The following ABI3BP variants were observed in gnomAD, a reference collection of about 807,000 sequenced individuals.
ABI3BP encodes ABI family member 3 binding protein, also known as target of Nesh-SH3.
Under a neutral mutation model 268.6 loss-of-function variants are expected in ABI3BP, and 216 were observed. The observed-to-expected ratio is 0.80, with a 90% CI of 0.72 to 0.90. The LOEUF is 0.90. ABI3BP is among the 40% of genes least tolerant of loss of function. ABI3BP has a pLI of 0.00. For missense variants in ABI3BP, 2,090 were observed against 2,182.4 expected, an observed-to-expected ratio of 0.96 and a Z score of 0.84; for synonymous variants, 730 against 730.0, an observed-to-expected ratio of 1.00 and a Z score of 0.00.
chr3:100,911,105 C>A, intron 2 of ABI3BP: 1 of 317,544 alleles, frequency 3.1e-6, no homozygotes. Context: ...TCTTATGTCT[C>A]TAACTGCTGT....
intron 9 of ABI3BP, among the ~76,000 whole-genome samples, chr3:100,872,319 G>A (rs890808249): frequency 7.9e-5 from 12 of 152,128 alleles, no homozygotes; most frequent in South Asian, 4.2e-4. Flanking sequence ...AAGTAAAAAC[G>A]AATCACAAGA....
rs1399229659 is a variant in ABI3BP at position 100,820,285 on chromosome 3, C to T, written c.2966G>A (p.Arg989Gln). Residue 989 changes from arginine to glutamine, a missense_variant, in exon 40 of 68, where the codon CGA becomes CAA. By Grantham distance (43) the Arg-to-Gln change is conservative (BLOSUM62 1). Transcript: ENST00000471714. ...VTTQAPKTSQ[R>Q]TRRPRPKTKT... ...AGTTTTGGGACGTGGACGACGAGTT[C>T]GTTGTGATGTTTTAGGAGCTGAAGA... 13 of 1,535,618 alleles carry T rather than the reference C, an allele frequency of 8.5e-6. No homozygotes were observed. The highest frequency in any genetic ancestry group is 2.4e-5 in the East Asian group (1 of 40,912).
chr3:100,888,151 C>A (rs967097696), intron 4 of ABI3BP, among the ~76,000 whole-genome samples: 2 of 152,076 alleles, frequency 1.3e-5, no homozygotes, highest in Non-Finnish European at 2.9e-5. Flanking sequence ...GAAAGCTGTG[C>A]TCAGGGCTCC....
intron 44 of ABI3BP, among the ~76,000 whole-genome samples, chr3:100,815,621 T>A (rs1364689863): frequency 2.7e-4 from 41 of 152,268 alleles, no homozygotes; most frequent in Admixed American, 2.7e-3. Flanking sequence ...TGGAAGGGTA[T>A]TTAGATCTAT....
At chr3:100,762,359 C>T (rs1182055299) in intron 63 of ABI3BP, among the ~76,000 whole-genome samples, 1 of 152,116 alleles carries the variant, frequency 6.6e-6, no homozygotes, top group Non-Finnish European at 1.5e-5. Context: ...TGTGTGTCAC[C>T]TAAATCATGT....
intron 1 of ABI3BP, among the ~76,000 whole-genome samples, chr3:100,973,042 T>C (rs2084407350): frequency 6.6e-6 from 1 of 152,116 alleles, no homozygotes; most frequent in Admixed American, 6.6e-5. Flanking sequence ...ACCTTTCCCA[T>C]TTTTGTGCTT....
intron 36 of ABI3BP, among the ~76,000 whole-genome samples, chr3:100,824,288 T>C (rs1237264231): frequency 6.6e-6 from 1 of 152,178 alleles, no homozygotes; most frequent in Non-Finnish European, 1.5e-5. Context: ...CCAACACATG[T>C]GGTCCTTCTG....
chr3:100,978,692 A>C (rs1002907930), intron 1 of ABI3BP, among the ~76,000 whole-genome samples: 7 of 152,224 alleles, frequency 4.6e-5, no homozygotes, highest in Non-Finnish European at 8.8e-5. Context: ...TCATATATTC[A>C]ACAACAGAAA....
rs1476597206 is a variant in ABI3BP at position 100,793,302 on chromosome 3, C to T, written c.3947-534G>A. On this transcript the variant is annotated intron_variant, in intron 54 of 67. Coordinates refer to ENST00000471714, the MANE Select transcript of ABI3BP (RefSeq NM_001375547.2). ...AAATACATACAGCAATACTCCCATTCCCATGTTACCTTGAAATCATATATT... is the reference window on the plus strand; with the variant it reads ...AAATACATACAGCAATACTCCCATTTCCATGTTACCTTGAAATCATATATT... 2.6e-5 allele frequency among the ~76,000 whole-genome samples: 4 copies of T among 151,974 alleles called. No individual in the cohort carries two copies. In the East Asian group the frequency reaches 7.7e-4, roughly 29 times the overall value.
In ABI3BP at chr3:100,794,996, T is replaced by C. The variant is rs1267359527; in HGVS notation, c.3873A>G (p.Leu1291=). The C allele has an allele frequency of 6.7e-7, 1 of 1,503,056 alleles. No individual in the cohort carries two copies. Among genetic ancestry groups the C allele is most frequent in the East Asian group, 2.5e-5 (1 of 39,794 alleles). 93.1% of individuals were successfully genotyped at this position (1,503,056 alleles called of 1,614,324 possible). ...GTATAAAAGGGATGCCTCGTGTCTC[T>C]AGAGGAGCTGCAAAAAGAAAAGGAC... ...FEPPKTTIAP[L]ETRGIPFIPM... The change falls in exon 54 of 68, where the codon CTA becomes CTG. Residue 1291 remains leucine, a synonymous_variant. Coordinates refer to ENST00000471714, the MANE Select transcript of ABI3BP (RefSeq NM_001375547.2).
chr3:100,953,819 T>C (rs2075942740), intron 1 of ABI3BP, among the ~76,000 whole-genome samples: 1 of 152,050 alleles, frequency 6.6e-6, no homozygotes, highest in Non-Finnish European at 1.5e-5. Context: ...TAAAAAATAG[T>C]AGTAGCAAGA....
At chr3:100,840,228 T>C in intron 22 of ABI3BP, 64 bp from the exon 23 acceptor site, 1 of 1,217,668 alleles carries the variant, frequency 8.2e-7, no homozygotes, top group South Asian at 1.5e-5. Flanking sequence ...TGATAAATAT[T>C]ACATCCATCT....
intron 6 of ABI3BP, among the ~76,000 whole-genome samples, chr3:100,883,852 T>G (rs1333137972): frequency 6.6e-6 from 1 of 152,072 alleles, no homozygotes; most frequent in African/African-American, 2.4e-5. Flanking sequence ...CTATCATAAG[T>G]GTTCACTATA....
intron 1 of ABI3BP, 110 bp downstream of exon 1, chr3:100,993,196 G>T: frequency 1.3e-6 from 1 of 766,772 alleles, no homozygotes; most frequent in Non-Finnish European, 2.1e-6. Flanking sequence ...AATCTCTGCA[G>T]AATAACTCTA....
chr3:100,884,269 G>A (rs1428001984), intron 6 of ABI3BP, among the ~76,000 whole-genome samples: 1 of 150,138 alleles, frequency 6.7e-6, no homozygotes, highest in Admixed American at 6.6e-5. Flanking sequence ...AAACAGACAA[G>A]TTAAAAAAAA....
At chr3:100,757,390 T>C (rs1476101754) in intron 63 of ABI3BP, among the ~76,000 whole-genome samples, 1 of 152,096 alleles carries the variant, frequency 6.6e-6, no homozygotes. Context: ...TCCTCAAAAC[T>C]GAGAAGAAAA....
At chr3:100,971,944 C>T (rs1208211466) in intron 1 of ABI3BP, among the ~76,000 whole-genome samples, 1 of 152,046 alleles carries the variant, frequency 6.6e-6, no homozygotes, top group Non-Finnish European at 1.5e-5. Context: ...TGCAGTTTCT[C>T]AGTGGAGGAA....
chr3:100,809,200 G>A (rs1299483012), intron 49 of ABI3BP, among the ~76,000 whole-genome samples: 1 of 152,002 alleles, frequency 6.6e-6, no homozygotes, highest in African/African-American at 2.4e-5. Context: ...TGGGGATTTA[G>A]AGCTCCCTTT....
intron 1 of ABI3BP, among the ~76,000 whole-genome samples, chr3:100,988,124 C>A (rs2092286799): frequency 6.6e-6 from 1 of 152,136 alleles, no homozygotes; most frequent in South Asian, 2.1e-4. Context: ...TGTTCCATAA[C>A]TTAAGATGGA....
Sources: gnomAD v4.1 joint callset for allele counts (sites outside exome capture counted in the v4.1 genomes callset) on GRCh38, gnomAD v4.1.1 for gene constraint, MANE v1.5 for transcripts, NCBI Gene and HGNC (gene_info 2026-07-23, HGNC 2026-07-21) for gene names.